The following RAPGEF4 variants were observed in gnomAD, a reference collection of about 807,000 sequenced individuals.
RAPGEF4 encodes the protein RAP guanine-nucleotide-exchange factor (GEF) 4.
In RAPGEF4, 66 loss-of-function variants were observed where a neutral mutation model predicts 147.9. The observed-to-expected ratio is 0.45, with a 90% CI of 0.37 to 0.55. The LOEUF is 0.55. Among genes scored for constraint, RAPGEF4 ranks in the 20% least tolerant of loss-of-function variants. The pLI is 0.00. For synonymous variants in RAPGEF4, 419 were observed against 442.7 expected (o/e 0.95, Z 0.67); for missense variants, 1,071 against 1,257.3 (o/e 0.85, Z 2.24).
intron 4 of RAPGEF4, among the ~76,000 whole-genome samples, chr2:172,868,879 A>G (rs971853928): frequency 2.6e-5 from 4 of 152,310 alleles, no homozygotes; most frequent in African/African-American, 9.6e-5. Flanking sequence ...GGAAGCTTGC[A>G]ATCATGGTGG....
chr2:172,743,505 T>C lies in RAPGEF4; in HGVS notation c.65+7457T>C, dbSNP rs562026448. The stretch of plus-strand genomic sequence containing the variant: ...CCTTAAACTCTGTATCTGTGGCTTA[T>C]CTTCTAGACCAGATGTATTTTTGTC... On this transcript the variant is annotated intron_variant, in intron 1 of 30. Transcript: ENST00000397081. Among the ~76,000 whole-genome samples the C allele has an allele frequency of 9.8e-5, 15 of 152,372 alleles. No homozygotes were observed. The South Asian group carries it at 3.1e-3, about 32-fold the overall frequency.
At chr2:172,903,569 G>T (rs1361117437) in intron 4 of RAPGEF4, among the ~76,000 whole-genome samples, 1 of 151,566 alleles carries the variant, frequency 6.6e-6, no homozygotes, top group Non-Finnish European at 1.5e-5. Flanking sequence ...TAAAGATGAA[G>T]AATGCCTGAA....
intron 1 of RAPGEF4, among the ~76,000 whole-genome samples, chr2:172,744,971 A>G (rs1173169608): frequency 2.0e-5 from 3 of 152,154 alleles, no homozygotes; most frequent in Non-Finnish European, 4.4e-5. Context: ...GTCAACATGC[A>G]TTATACTTTT....
At position 173,036,785 on chromosome 2, in the gene RAPGEF4, C is replaced by T. The variant is rs78571572; in HGVS notation, c.2853+93C>T. 6.6e-3 allele frequency: 5,644 copies of T among 856,130 alleles called. 220 individuals are homozygous for T. In the African/African-American group the frequency reaches 0.085, roughly 13 times the overall value. 53.0% of individuals were successfully genotyped at this position (856,130 alleles called of 1,614,324 possible). A position where few individuals can be genotyped will look rare whatever the true frequency, so the allele number is the denominator to read the frequency against. On this transcript the variant is annotated intron_variant, in intron 29 of 30. Coordinates refer to ENST00000397081, the MANE Select transcript of RAPGEF4 (RefSeq NM_007023.4). Reference sequence around the variant, plus strand: ...AGGAAATAATTTCCATATATGCTGCCCTGCTAAAAAGGTAGTTACACATAA... The same window carrying T: ...AGGAAATAATTTCCATATATGCTGCTCTGCTAAAAAGGTAGTTACACATAA...
chr2:172,913,655 T>C (rs960168972), intron 4 of RAPGEF4, among the ~76,000 whole-genome samples: 2 of 152,124 alleles, frequency 1.3e-5, no homozygotes, highest in African/African-American at 4.8e-5. Context: ...TCCTTTAAAA[T>C]TTTTTTTGTT....
chr2:172,739,915 A>G (rs1694160026), intron 1 of RAPGEF4, among the ~76,000 whole-genome samples: 1 of 152,256 alleles, frequency 6.6e-6, no homozygotes, highest in African/African-American at 2.4e-5. Flanking sequence ...TCGTGGGCTA[A>G]GAATGGTTTT....
chr2:172,858,550 C>T (rs772190657), intron 4 of RAPGEF4, among the ~76,000 whole-genome samples: 1 of 152,160 alleles, frequency 6.6e-6, no homozygotes, highest in Non-Finnish European at 1.5e-5. Context: ...GGAAGGTGGG[C>T]TTATCTTCCC....
rs1016562316 is a variant in RAPGEF4 at position 173,020,513 on chromosome 2, G to A, written c.2156-105G>A. On this transcript the variant is annotated intron_variant, in intron 22 of 30. Transcript: ENST00000397081. ...ACTCTATTTTATGCAGTCACTCTGC[G>A]TGTTCCGGTAATTCACCAAGCTGGC... 105 of 893,476 alleles carry A rather than the reference G, an allele frequency of 1.2e-4. 1 individual carries two copies. The highest frequency in any genetic ancestry group is 3.2e-4 in the South Asian group (24 of 75,186). 55.3% of individuals were successfully genotyped at this position (893,476 alleles called of 1,614,324 possible).
intron 17 of RAPGEF4, among the ~76,000 whole-genome samples, chr2:173,013,303 T>C (rs1387851470): frequency 6.6e-6 from 1 of 152,144 alleles, no homozygotes; most frequent in Non-Finnish European, 1.5e-5. Context: ...CTTTGGGTAA[T>C]GGGAAGAACA....
chr2:172,896,285 A>T (rs1202483568), intron 4 of RAPGEF4, among the ~76,000 whole-genome samples: 1 of 152,190 alleles, frequency 6.6e-6, no homozygotes, highest in East Asian at 1.9e-4. Context: ...AAGAAGATTT[A>T]TTTTAATCGG....
In RAPGEF4 at chr2:172,965,703, C is replaced by A. The variant is rs374097560; in HGVS notation, c.820+20C>A. On this transcript the variant is annotated intron_variant, in intron 9 of 30. Transcript: ENST00000397081. ...ACCACGGTAAGATGAGCCCCAGTCC[C>A]TGGAAACCTCTCAAGAAATGCTAAG... is the stretch of plus-strand genomic sequence containing the variant. 2 of 1,614,092 alleles carry A rather than the reference C, an allele frequency of 1.2e-6. No individual in the cohort carries two copies. Among genetic ancestry groups the A allele is most frequent in the Non-Finnish European group, 1.7e-6 (2 of 1,179,980 alleles).
At chr2:172,919,065 T>C (rs1299810471) in intron 5 of RAPGEF4, among the ~76,000 whole-genome samples, 8 of 152,136 alleles carry the variant, frequency 5.3e-5, no homozygotes, top group Admixed American at 5.2e-4. Flanking sequence ...GGTTCATCCT[T>C]CCTTTCCTCT....
In RAPGEF4 at chr2:172,858,695, A is replaced by G. The variant is rs187586860; in HGVS notation, c.444+44270A>G. ...TAAATTTTTAAAATAATTTATCTGG[A>G]TGTTTGTGGAGCAGTTAAGTATAAC... On this transcript the variant is annotated intron_variant, in intron 4 of 30. Coordinates refer to ENST00000397081, the MANE Select transcript of RAPGEF4 (RefSeq NM_007023.4). Among the ~76,000 whole-genome samples, 32 of 152,336 alleles carry G rather than the reference A, an allele frequency of 2.1e-4. No homozygotes were observed. The East Asian group carries it at 6.0e-3, about 28-fold the overall frequency.
intron 6 of RAPGEF4, among the ~76,000 whole-genome samples, chr2:172,946,238 TAAAAC>T (rs1687667004): frequency 6.6e-6 from 1 of 152,096 alleles, no homozygotes; most frequent in African/African-American, 2.4e-5. Context: ...CAGTTAAAAA[TAAAAC>T]AAAACCCACA....
At chr2:172,821,761 A>G (rs1574947614) in intron 4 of RAPGEF4, 2 of 1,087,840 alleles carry the variant, frequency 1.8e-6, no homozygotes, top group Non-Finnish European at 2.3e-6. Flanking sequence ...AAAAAAAAAA[A>G]GGAAGTGTTT....
chr2:172,757,286 T>C (rs1695868750), intron 1 of RAPGEF4, among the ~76,000 whole-genome samples: 1 of 152,240 alleles, frequency 6.6e-6, no homozygotes, highest in Admixed American at 6.5e-5. Context: ...TGTGACTGCT[T>C]TTCTAAAGCA....
intron 4 of RAPGEF4, among the ~76,000 whole-genome samples, chr2:172,881,788 G>A (rs1045743307): frequency 6.6e-6 from 1 of 152,230 alleles, no homozygotes; most frequent in African/African-American, 2.4e-5. Context: ...CTAAGGATCT[G>A]TATTGAGAGA....
chr2:173,000,633 T>C, intron 16 of RAPGEF4, among the ~76,000 whole-genome samples: 1 of 152,214 alleles, frequency 6.6e-6, no homozygotes, highest in Admixed American at 6.5e-5. Flanking sequence ...ACAAAATAGT[T>C]TCACATATAG....
At chr2:172,793,019 G>A (rs558942293) in intron 1 of RAPGEF4, among the ~76,000 whole-genome samples, 24 of 152,340 alleles carry the variant, frequency 1.6e-4, no homozygotes, top group Non-Finnish European at 2.8e-4. Context: ...TGGAAGTCCA[G>A]AATCAAGGTG....
Sources: gnomAD v4.1 joint callset for allele counts (sites outside exome capture counted in the v4.1 genomes callset) on GRCh38, gnomAD v4.1.1 for gene constraint, MANE v1.5 for transcripts, NCBI Gene and HGNC (gene_info 2026-07-23, HGNC 2026-07-21) for gene names.